The following ZNF385B variants were observed in gnomAD, a reference collection of about 807,000 sequenced individuals.
ZNF385B encodes zinc finger protein 385B.
A neutral mutation model predicts 39.2 loss-of-function variants in ZNF385B; 23 were observed. The observed-to-expected ratio is 0.59, with a 90% CI of 0.42 to 0.83. ZNF385B has a LOEUF of 0.83. ZNF385B is among the 40% of genes least tolerant of loss of function. ZNF385B has a pLI of 0.00. For missense variants in ZNF385B, 552 were observed against 598.9 expected (o/e 0.92, Z 0.82); for synonymous variants, 205 against 222.6 (o/e 0.92, Z 0.70).
At chr2:179,811,625 C>A (rs569010759) in intron 1 of ZNF385B, among the ~76,000 whole-genome samples, 2 of 152,102 alleles carry the variant, frequency 1.3e-5, no homozygotes, top group African/African-American at 4.8e-5. Flanking sequence ...TAGACCTCTA[C>A]ATTTTAACAT....
intron 3 of ZNF385B, among the ~76,000 whole-genome samples, chr2:179,736,845 C>T (rs1182540091): frequency 9.2e-5 from 14 of 152,152 alleles, no homozygotes; most frequent in African/African-American, 3.4e-4. Flanking sequence ...TGGTGAGCAC[C>T]TGTAGTCCCA....
chr2:179,585,931 C>A (rs1362388323), intron 3 of ZNF385B: 1 of 152,198 alleles, frequency 6.6e-6, no homozygotes, highest in Non-Finnish European at 1.5e-5. Context: ...ACGAACAGTT[C>A]ACAAATTCTA....
At chr2:179,572,163 T>C (rs1470430293) in intron 3 of ZNF385B, among the ~76,000 whole-genome samples, 3 of 152,112 alleles carry the variant, frequency 2.0e-5, no homozygotes, top group Non-Finnish European at 1.5e-5. Flanking sequence ...GCAGAGAACT[T>C]TGAGGTGTCT....
rs191014588 is a variant in ZNF385B, at chr2:179,510,237, A to G, written c.552+8291T>C. ...TGTAGATATACATGTGTGTATATAT[A>G]TGTGAATGTTCATATATGTGAATAT... On this transcript the variant is annotated intron_variant, in intron 5 of 9. Coordinates refer to ENST00000410066, the MANE Select transcript of ZNF385B (RefSeq NM_152520.6). Among the ~76,000 whole-genome samples, 33 of 152,274 alleles carry G rather than the reference A, an allele frequency of 2.2e-4. No homozygotes were observed. In the East Asian group the frequency reaches 5.6e-3, roughly 26 times the overall value.
At chr2:179,801,323 C>T (rs1706017758) in intron 1 of ZNF385B, among the ~76,000 whole-genome samples, 2 of 152,070 alleles carry the variant, frequency 1.3e-5, no homozygotes, top group Admixed American at 1.3e-4. Context: ...GACCAAGTTT[C>T]TCCTGGTCTG....
chr2:179,473,185 C>T (rs1168705094), intron 6 of ZNF385B, among the ~76,000 whole-genome samples: 1 of 152,102 alleles, frequency 6.6e-6, no homozygotes, highest in Non-Finnish European at 1.5e-5. Context: ...CCAAGAAGGC[C>T]CTTCCGCATC....
chr2:179,749,171 T>G (rs1702536226), intron 3 of ZNF385B, among the ~76,000 whole-genome samples: 1 of 151,934 alleles, frequency 6.6e-6, no homozygotes, highest in Non-Finnish European at 1.5e-5. Flanking sequence ...ACTTCAGGGC[T>G]ATGATTTAAA....
At chr2:179,817,691 C>G (rs1018519567) in intron 1 of ZNF385B, among the ~76,000 whole-genome samples, 18 of 121,472 alleles carry the variant, frequency 1.5e-4, no homozygotes, top group South Asian at 7.9e-4. Context: ...GTGTGTGTGT[C>G]AATCTGAATG....
intron 1 of ZNF385B, among the ~76,000 whole-genome samples, chr2:179,799,811 T>C (rs921417007): frequency 6.6e-6 from 1 of 152,104 alleles, no homozygotes; most frequent in Non-Finnish European, 1.5e-5. Flanking sequence ...TAAAATCCAA[T>C]CTCAAAGTTT....
At chr2:179,462,887 G>A (rs568388074) in intron 6 of ZNF385B, among the ~76,000 whole-genome samples, 2 of 151,966 alleles carry the variant, frequency 1.3e-5, no homozygotes, top group East Asian at 1.9e-4. Flanking sequence ...TAATTTGAAC[G>A]CACTATTTAA....
At chr2:179,838,634 T>A (rs1708378420) in intron 1 of ZNF385B, among the ~76,000 whole-genome samples, 1 of 152,138 alleles carries the variant, frequency 6.6e-6, no homozygotes, top group African/African-American at 2.4e-5. Flanking sequence ...CATGCTTCTC[T>A]GGGATGTAAA....
intron 3 of ZNF385B, among the ~76,000 whole-genome samples, chr2:179,683,148 G>A (rs1465946703): frequency 4.6e-5 from 7 of 152,116 alleles, no homozygotes; most frequent in Non-Finnish European, 8.8e-5. Flanking sequence ...AGCACTTTGG[G>A]AGGCCGAGGC....
intron 1 of ZNF385B, among the ~76,000 whole-genome samples, chr2:179,830,725 G>A (rs183138983): frequency 1.3e-4 from 20 of 152,308 alleles, no homozygotes; most frequent in Middle Eastern, 3.4e-3. Flanking sequence ...GAGATGAATA[G>A]GTGGAACATG....
At chr2:179,727,189 T>A (rs545754161) in intron 3 of ZNF385B, among the ~76,000 whole-genome samples, 1 of 152,082 alleles carries the variant, frequency 6.6e-6, no homozygotes, top group African/African-American at 2.4e-5. Context: ...TTTTATCTGA[T>A]AACCACTCAA....
intron 1 of ZNF385B, among the ~76,000 whole-genome samples, chr2:179,852,525 T>C (rs1455980078): frequency 1.3e-5 from 2 of 152,164 alleles, no homozygotes; most frequent in Non-Finnish European, 2.9e-5. Context: ...GGAATCCATA[T>C]ACCATGAGTG....
chr2:179,669,730 C>CTT (rs1264865453), intron 3 of ZNF385B, among the ~76,000 whole-genome samples: 11 of 152,288 alleles, frequency 7.2e-5, no homozygotes, highest in African/African-American at 2.2e-4. Flanking sequence ...GTTATTAAAG[C>CTT]TAAGATGGAT....
intron 1 of ZNF385B, among the ~76,000 whole-genome samples, chr2:179,844,132 C>G (rs560077990): frequency 5.1e-4 from 78 of 152,346 alleles, no homozygotes; most frequent in African/African-American, 1.8e-3. Flanking sequence ...TTAGATAGAA[C>G]AGAAAATGCC....
At chr2:179,464,477 C>T (rs1574271932) in intron 6 of ZNF385B, among the ~76,000 whole-genome samples, 2 of 152,038 alleles carry the variant, frequency 1.3e-5, no homozygotes. Flanking sequence ...TTTTTATGGT[C>T]CTAGGTCTTA....
chr2:179,450,847 A>G (rs942232340), intron 6 of ZNF385B, among the ~76,000 whole-genome samples: 3 of 152,118 alleles, frequency 2.0e-5, no homozygotes, highest in Non-Finnish European at 2.9e-5. Flanking sequence ...CTTGGAACCA[A>G]CCTAAATGTC....
Sources: gnomAD v4.1 joint callset for allele counts (sites outside exome capture counted in the v4.1 genomes callset) on GRCh38, gnomAD v4.1.1 for gene constraint, MANE v1.5 for transcripts, NCBI Gene and HGNC (gene_info 2026-07-23, HGNC 2026-07-21) for gene names.